The following MED26 variants were observed in gnomAD, a reference collection of about 807,000 sequenced individuals.
The protein encoded by MED26 is mediator complex subunit 26.
A neutral mutation model predicts 43.7 loss-of-function variants in MED26; 7 were observed. The ratio of observed to expected loss-of-function variants is 0.16; its 90% confidence interval spans 0.09 to 0.30. MED26 has a LOEUF of 0.30. Ranked by LOEUF, MED26 falls within the 10% of genes least tolerant of loss-of-function variation. MED26 has a pLI of 1.00. For missense variants in MED26, 784 were observed against 840.6 expected, an observed-to-expected ratio of 0.93 and a Z score of 0.83; for synonymous variants, 375 against 371.1, an observed-to-expected ratio of 1.01 and a Z score of -0.12.
At chr19:16,613,531 G>C (rs1312654670) in intron 1 of MED26, among the ~76,000 whole-genome samples, 1 of 152,118 alleles carries the variant, frequency 6.6e-6, no homozygotes, top group Non-Finnish European at 1.5e-5. Context: ...GCGCTTGACG[G>C]GCACTGTCTA....
rs769021510 is a variant in MED26 at position 16,576,668 on chromosome 19, C to T, written c.1162G>A (p.Gly388Ser). 3 of 1,614,142 alleles carry T rather than the reference C, an allele frequency of 1.9e-6. No individual in the cohort carries two copies. The East Asian group carries it at 6.7e-5, about 36-fold the overall frequency. Residue 388 changes from glycine to serine, a missense_variant, in exon 3 of 3, where the codon GGC becomes AGC. This residue lies in a region of MED26 where 719 missense variants were observed against 730.9 expected (regional missense o/e 0.98). Transcript: ENST00000263390. The surrounding 1 kb of genome is among the most constrained non-coding windows in gnomAD (Gnocchi z 6.8). Reference protein sequence around the residue: ...KADSDAASSGGSDSKKKKRYR... With the variant: ...KADSDAASSGSSDSKKKKRYR... ...CTCTTCTTCTTTTTACTGTCCGAGCCCCCTGAGGAGGCAGCATCACTGTCC... is the reference window on the plus strand; with the variant it reads ...CTCTTCTTCTTTTTACTGTCCGAGCTCCCTGAGGAGGCAGCATCACTGTCC...
At chr19:16,620,186 C>A (rs1456820505) in intron 1 of MED26, among the ~76,000 whole-genome samples, 1 of 152,162 alleles carries the variant, frequency 6.6e-6, no homozygotes, top group African/African-American at 2.4e-5. Flanking sequence ...ACAGATGAAT[C>A]CAGCATAAAC....
At chr19:16,595,969 G>C (rs1397584902) in intron 1 of MED26, among the ~76,000 whole-genome samples, 1 of 152,152 alleles carries the variant, frequency 6.6e-6, no homozygotes, top group East Asian at 1.9e-4. Context: ...TACTCCAAGA[G>C]AGTTCAAATA....
chr19:16,578,949 A>G (rs959366374), intron 1 of MED26, among the ~76,000 whole-genome samples: 2 of 152,070 alleles, frequency 1.3e-5, no homozygotes, highest in East Asian at 3.9e-4. Context: ...AAAAATACAA[A>G]AATTAGTTGG....
At chr19:16,610,974 G>A (rs937272081) in intron 1 of MED26, 3 of 152,258 alleles carry the variant, frequency 2.0e-5, no homozygotes, top group African/African-American at 7.2e-5. Flanking sequence ...CCCAAGGCCT[G>A]TAGCATGTGT....
intron 1 of MED26, among the ~76,000 whole-genome samples, chr19:16,606,014 CTG>C (rs1171227662): frequency 3.3e-5 from 5 of 152,218 alleles, no homozygotes; most frequent in Non-Finnish European, 7.3e-5. Flanking sequence ...TCACTCAAAA[CTG>C]AGGCCTGGCA....
In MED26 at chr19:16,578,405, C is replaced by T. The variant is rs575658283; in HGVS notation, c.77G>A (p.Arg26Gln). 22 of 1,614,010 alleles carry T rather than the reference C, an allele frequency of 1.4e-5. No individual in the cohort carries two copies. The highest frequency in any genetic ancestry group is 4.5e-5 in the East Asian group (2 of 44,862). Reference sequence around the variant, plus strand: ...GACTTCCAGCACCGCCACCATGTTCCGGATCTGTGGAAATAAAAAGCCATT... The same window carrying T: ...GACTTCCAGCACCGCCACCATGTTCTGGATCTGTGGAAATAAAAAGCCATT... ...LQAIDPQSNI[R>Q]NMVAVLEVIS... Residue 26 changes from arginine (R) to glutamine (Q), a missense_variant, in exon 2 of 3, where the codon CGG becomes CAG. By Grantham distance (43) the Arg-to-Gln change is conservative (BLOSUM62 1). This residue lies in a region of MED26 where 28 missense variants were observed against 79.4 expected (regional missense o/e 0.35). Transcript: ENST00000263390.
At chr19:16,617,199 C>T (rs2086230189) in intron 1 of MED26, among the ~76,000 whole-genome samples, 2 of 152,156 alleles carry the variant, frequency 1.3e-5, no homozygotes, top group African/African-American at 4.8e-5. Context: ...CACATACCAT[C>T]CAGCACAAAT....
chr19:16,605,977 A>T (rs142466488), intron 1 of MED26, among the ~76,000 whole-genome samples: 7 of 152,344 alleles, frequency 4.6e-5, no homozygotes, highest in African/African-American at 1.4e-4. Context: ...TCTGTCATCC[A>T]GACAGGCCAG....
Position 16,575,962 on chromosome 19 carries a change from C to T in MED26, c.*65G>A, listed in dbSNP as rs961463655. The T allele has an allele frequency of 1.3e-5, 19 of 1,505,026 alleles. 1 individual carries two copies. In the Middle Eastern group the frequency reaches 5.3e-4, roughly 42 times the overall value. The allele number at this position is 1,505,026 out of a possible 1,614,324, so 93.2% of individuals were successfully genotyped here. ...AGGCAGCTGGGCCCCGGCCACCTGCCCACCTGCCTGCCCGCCCACCCGGCT... is the reference window on the plus strand; with the variant it reads ...AGGCAGCTGGGCCCCGGCCACCTGCTCACCTGCCTGCCCGCCCACCCGGCT... On this transcript the variant is annotated 3_prime_UTR_variant, in exon 3 of 3. Coordinates refer to ENST00000263390, the MANE Select transcript of MED26 (RefSeq NM_004831.5).
At chr19:16,592,999 C>T (rs16981321) in intron 1 of MED26, among the ~76,000 whole-genome samples, 5,797 of 152,330 alleles carry the variant, frequency 0.038, 252 homozygotes, top group African/African-American at 0.09. Context: ...GAATTCTGCC[C>T]TGCTTGGCTG....
intron 1 of MED26, among the ~76,000 whole-genome samples, chr19:16,598,115 A>G (rs1437073791): frequency 6.6e-6 from 1 of 151,238 alleles, no homozygotes; most frequent in Admixed American, 6.6e-5. Flanking sequence ...CAGGTGGATC[A>G]CCTGAGGTCA....
At chr19:16,618,495 C>A (rs946211587) in intron 1 of MED26, among the ~76,000 whole-genome samples, 2 of 152,186 alleles carry the variant, frequency 1.3e-5, no homozygotes, top group African/African-American at 4.8e-5. Context: ...TGTGGTTTAA[C>A]CAGAACAAGA....
intron 1 of MED26, among the ~76,000 whole-genome samples, chr19:16,598,762 C>T (rs997420616): frequency 6.6e-6 from 1 of 152,194 alleles, no homozygotes; most frequent in Non-Finnish European, 1.5e-5. Context: ...ATCAGGCCTA[C>T]TGTGCCGGAC....
chr19:16,595,828 C>A (rs2086117701), intron 1 of MED26, among the ~76,000 whole-genome samples: 1 of 152,340 alleles, frequency 6.6e-6, no homozygotes, highest in Non-Finnish European at 1.5e-5. Context: ...ATTCCCTTAA[C>A]CTTCTCCGAT....
intron 1 of MED26, among the ~76,000 whole-genome samples, chr19:16,583,025 C>T (rs1324685101): frequency 6.6e-6 from 1 of 152,248 alleles, no homozygotes; most frequent in South Asian, 2.1e-4. Context: ...GTCCATCTAT[C>T]TGGGGAAGTA....
At chr19:16,582,042 G>A (rs938399229) in intron 1 of MED26, among the ~76,000 whole-genome samples, 4 of 152,256 alleles carry the variant, frequency 2.6e-5, no homozygotes, top group Non-Finnish European at 4.4e-5. Context: ...AGCGCAGCTC[G>A]CTGCTTCCTG....
At chr19:16,612,284 T>C (rs2086202805) in intron 1 of MED26, 1 of 151,934 alleles carries the variant, frequency 6.6e-6, no homozygotes, top group South Asian at 2.1e-4. Context: ...TTACTTTTTG[T>C]GTGTTTGGTT....
In MED26 at chr19:16,576,465, G is replaced by A. The variant is rs2086000940; in HGVS notation, c.1365C>T (p.Ser455=). 6 of 1,614,120 alleles carry A rather than the reference G, an allele frequency of 3.7e-6. No individual in the cohort carries two copies. The highest frequency in any genetic ancestry group is 5.1e-6 in the Non-Finnish European group (6 of 1,180,028). The stretch of plus-strand genomic sequence containing the variant: ...CCTCCTGCTTGTCCAGCTCTGTCCT[G>A]GACTGCTGCTCCATGTGCACAGGGC... ...ADSPVHMEQQ[S]RTELDKQEAK... The change falls in exon 3 of 3, where the codon TCC becomes TCT. Residue 455 remains serine (S), a synonymous_variant. Coordinates refer to ENST00000263390, the MANE Select transcript of MED26 (RefSeq NM_004831.5). The surrounding 1 kb of genome is among the most constrained non-coding windows in gnomAD (Gnocchi z 6.8).
Sources: allele counts gnomAD v4.1 joint callset (sites outside exome capture counted in the v4.1 genomes callset), GRCh38; gene constraint gnomAD v4.1.1; regional missense constraint gnomAD v4.1.1; non-coding constraint Gnocchi (gnomAD v3.1); transcripts MANE v1.5; gene names NCBI Gene and HGNC (gene_info 2026-07-23, HGNC 2026-07-21).